Variants in CCSER2 observed in about 807,000 individuals in gnomAD.
CCSER2 encodes the protein coiled-coil serine rich protein 2.
In CCSER2, 46 loss-of-function variants were observed where a neutral mutation model predicts 92.3. The observed-to-expected ratio is 0.50, with a 90% CI of 0.39 to 0.64. The LOEUF (loss-of-function observed/expected upper bound fraction) is 0.64. Ranked by LOEUF, CCSER2 falls within the 30% of genes least tolerant of loss-of-function variation. The pLI, the probability that CCSER2 is intolerant of heterozygous loss-of-function variation, is 0.00. For synonymous variants in CCSER2, 433 were observed against 431.4 expected, an observed-to-expected ratio of 1.00 and a Z score of -0.04; for missense variants, 1,244 against 1,238.9, an observed-to-expected ratio of 1.00 and a Z score of -0.06.
intron 1 of CCSER2, among the ~76,000 whole-genome samples, chr10:84,344,266 A>T (rs556543975): frequency 6.6e-6 from 1 of 152,260 alleles, no homozygotes; most frequent in South Asian, 2.1e-4. Flanking sequence ...CTACTTTAAA[A>T]CTTAAGATTC....
intron 1 of CCSER2, among the ~76,000 whole-genome samples, chr10:84,337,946 G>A (rs1009817547): frequency 6.6e-6 from 1 of 152,114 alleles, no homozygotes; most frequent in Non-Finnish European, 1.5e-5. Flanking sequence ...AGTTACCCGT[G>A]GACACATTTA....
intron 5 of CCSER2, among the ~76,000 whole-genome samples, chr10:84,429,228 G>A (rs892273694): frequency 6.6e-6 from 1 of 151,928 alleles, no homozygotes; most frequent in African/African-American, 2.4e-5. Flanking sequence ...GCTTTTCTTT[G>A]TGGCAGTTTT....
chr10:84,501,822 G>GAAAAAAA (rs11461623), intron 9 of CCSER2, among the ~76,000 whole-genome samples: 2 of 29,010 alleles, frequency 6.9e-5, no homozygotes, highest in Non-Finnish European at 9.3e-5. Context: ...GTCATCTAGG[G>GAAAAAAA]AAAAAAAAAA....
chr10:84,396,501 A>C (rs1029499738), intron 3 of CCSER2, among the ~76,000 whole-genome samples: 6 of 151,910 alleles, frequency 3.9e-5, no homozygotes, highest in Admixed American at 3.9e-4. Context: ...TTCATTTGTA[A>C]TACTTTTAGG....
intron 1 of CCSER2, among the ~76,000 whole-genome samples, chr10:84,364,025 T>G (rs1221877319): frequency 6.6e-6 from 1 of 152,176 alleles, no homozygotes; most frequent in Non-Finnish European, 1.5e-5. Flanking sequence ...TGGTAAGGAA[T>G]TGTTTATCTA....
chr10:84,387,248 G>C (rs1301776254), intron 3 of CCSER2, among the ~76,000 whole-genome samples: 1 of 151,940 alleles, frequency 6.6e-6, no homozygotes, highest in Non-Finnish European at 1.5e-5. Flanking sequence ...TCCCTCTAAG[G>C]GTTAACTGTT....
rs531359392 is a variant in CCSER2 at position 84,385,382 on chromosome 10, C to A, written c.1614+11567C>A. On this transcript the variant is annotated intron_variant, in intron 3 of 9. Coordinates refer to ENST00000372088, the MANE Select transcript of CCSER2 (RefSeq NM_001284240.2). ...TACTACAAAGCTGTAGTAACCAAAA[C>A]AGCATGGTACTGATATAAAAGTAGA... Among the ~76,000 whole-genome samples, 6 of 152,272 alleles carry A rather than the reference C, an allele frequency of 3.9e-5. No homozygotes were observed. In the South Asian group the frequency reaches 1.2e-3, roughly 32 times the overall value.
chr10:84,472,308 C>T (rs1048860805), intron 8 of CCSER2, among the ~76,000 whole-genome samples: 2 of 152,064 alleles, frequency 1.3e-5, no homozygotes, highest in African/African-American at 4.8e-5. Flanking sequence ...GTAGCTCACT[C>T]CTGTAATCCG....
intron 1 of CCSER2, among the ~76,000 whole-genome samples, chr10:84,345,634 A>C (rs1481614606): frequency 6.6e-6 from 1 of 152,176 alleles, no homozygotes; most frequent in Non-Finnish European, 1.5e-5. Flanking sequence ...AATTTTACTT[A>C]GATTATTTTA....
chr10:84,392,017 A>ATT (rs1452308425), intron 3 of CCSER2: 4 of 1,289,990 alleles, frequency 3.1e-6, no homozygotes, highest in Non-Finnish European at 4.5e-6. Flanking sequence ...CTTCCCTTAA[A>ATT]AAGAGCGTCT....
intron 1 of CCSER2, among the ~76,000 whole-genome samples, chr10:84,343,529 A>G (rs982708783): frequency 6.6e-6 from 1 of 152,230 alleles, no homozygotes; most frequent in Non-Finnish European, 1.5e-5. Flanking sequence ...AACACAAAAT[A>G]TAGTTTTGAG....
chr10:84,458,417 C>G (rs1273764542), intron 6 of CCSER2, among the ~76,000 whole-genome samples: 2 of 152,122 alleles, frequency 1.3e-5, no homozygotes, highest in African/African-American at 2.4e-5. Context: ...TTGCTATTAT[C>G]ACTTTCTCTT....
At chr10:84,360,806 T>C (rs902682987) in intron 1 of CCSER2, among the ~76,000 whole-genome samples, 3 of 152,234 alleles carry the variant, frequency 2.0e-5, no homozygotes, top group African/African-American at 7.2e-5. Flanking sequence ...CTTGTTTTAA[T>C]GAAGTCTTCC....
chr10:84,420,605 T>G (rs1035834993), intron 4 of CCSER2, among the ~76,000 whole-genome samples: 3 of 152,028 alleles, frequency 2.0e-5, no homozygotes, highest in African/African-American at 7.2e-5. Flanking sequence ...CTTTATAGCT[T>G]CTGGTTGTTG....
At chr10:84,455,831 G>T in intron 6 of CCSER2, 1 of 830,382 alleles carries the variant, frequency 1.2e-6, no homozygotes, top group Non-Finnish European at 2.1e-6. Flanking sequence ...ATAATTACTG[G>T]TTTTCACTGT....
chr10:84,466,880 A>G (rs2133690598), intron 7 of CCSER2, among the ~76,000 whole-genome samples: 1 of 152,172 alleles, frequency 6.6e-6, no homozygotes, highest in African/African-American at 2.4e-5. Context: ...TACAGGGGAA[A>G]AGTGTCCACT....
At chr10:84,500,942 C>T (rs1848687274) in intron 9 of CCSER2, among the ~76,000 whole-genome samples, 1 of 152,140 alleles carries the variant, frequency 6.6e-6, no homozygotes, top group Admixed American at 6.5e-5. Flanking sequence ...GACATGAATT[C>T]CAGAGAAGGC....
chr10:84,512,163 G>A (rs1343913317), intron 9 of CCSER2, among the ~76,000 whole-genome samples: 1 of 152,056 alleles, frequency 6.6e-6, no homozygotes, highest in African/African-American at 2.4e-5. Flanking sequence ...GTGCTGGTCA[G>A]GGAGGTGGAA....
At chr10:84,374,406 A>G (rs1303000378) in intron 3 of CCSER2, among the ~76,000 whole-genome samples, 1 of 152,140 alleles carries the variant, frequency 6.6e-6, no homozygotes, top group African/African-American at 2.4e-5. Flanking sequence ...GTCTTTAGTG[A>G]TCTAAACTAC....
Sources: gnomAD v4.1 joint callset for allele counts (sites outside exome capture counted in the v4.1 genomes callset) on GRCh38, gnomAD v4.1.1 for gene constraint, MANE v1.5 for transcripts, NCBI Gene and HGNC (gene_info 2026-07-23, HGNC 2026-07-21) for gene names.